The following BCKDHB variants were observed in gnomAD, a reference collection of about 807,000 sequenced individuals.
BCKDHB encodes the protein branched chain keto acid dehydrogenase E1 subunit beta.
In BCKDHB, 41 loss-of-function variants were observed where a neutral mutation model predicts 48.5. The ratio of observed to expected loss-of-function variants is 0.85; its 90% CI spans 0.66 to 1.10. The LOEUF is 1.10. Ranked by LOEUF, BCKDHB falls within the 50% of genes least tolerant of loss-of-function variation. The probability of loss-of-function intolerance (pLI) is 0.00; values close to 1 mark genes in which losing one functional copy is unlikely to be tolerated. For missense variants in BCKDHB, 496 were observed against 494.2 expected (o/e 1.00, Z -0.03); for synonymous variants, 201 against 174.8 (o/e 1.15, Z -1.18).
chr6:80,422,064 G>C, the BCKDHB span, among the ~76,000 whole-genome samples: 3 of 152,140 alleles, frequency 2.0e-5, no homozygotes, highest in Admixed American at 6.5e-5. Context: ...TCCCATCACA[G>C]GTCTAGAAGT....
rs550791450 is a variant in BCKDHB, at chr6:80,112,991, G to A, written c.196+6102G>A. On this transcript the variant is annotated intron_variant, in intron 1 of 9. Coordinates refer to ENST00000320393, the MANE Select transcript of BCKDHB (RefSeq NM_183050.4). ...GCCATGAACTTTAATGATAGGAACC[G>A]GAGGTGGGTGCATTTCTTTTGTCCT... 3.3e-3 allele frequency among the ~76,000 whole-genome samples: 500 copies of A among 152,284 alleles called. 2 individuals carry two copies. The highest frequency in any genetic ancestry group is 0.011 in the African/African-American group (438 of 41,558).
intron 9 of BCKDHB, among the ~76,000 whole-genome samples, chr6:80,317,254 C>A (rs188631471): frequency 1.3e-5 from 2 of 152,286 alleles, no homozygotes; most frequent in East Asian, 3.9e-4. Context: ...TTAAAGGGTA[C>A]ACCCCCAACT....
the BCKDHB span, among the ~76,000 whole-genome samples, chr6:80,433,596 G>T: frequency 6.6e-6 from 1 of 152,152 alleles, no homozygotes; most frequent in Non-Finnish European, 1.5e-5. Flanking sequence ...AGTTTGCTGT[G>T]CTCTGTGGGG....
chr6:80,243,861 A>G (rs149818498), intron 8 of BCKDHB, among the ~76,000 whole-genome samples: 4 of 152,278 alleles, frequency 2.6e-5, no homozygotes, highest in African/African-American at 9.6e-5. Flanking sequence ...AAGAAATCTC[A>G]CTTTAAAAGT....
the BCKDHB span, among the ~76,000 whole-genome samples, chr6:80,421,500 C>T: frequency 2.0e-5 from 3 of 152,070 alleles, no homozygotes; most frequent in Admixed American, 6.6e-5. Flanking sequence ...ATCTTGACGG[C>T]TCAGAAAAAG....
chr6:80,390,746 G>A, the BCKDHB span, among the ~76,000 whole-genome samples: 15 of 152,102 alleles, frequency 9.9e-5, no homozygotes, highest in African/African-American at 3.4e-4. Flanking sequence ...ATAGGTTCAA[G>A]TTGAAAAGGG....
the BCKDHB span, among the ~76,000 whole-genome samples, chr6:80,461,891 A>T: frequency 1.0e-3 from 158 of 152,202 alleles, 5 homozygotes; most frequent in Non-Finnish European, 3.4e-4. Context: ...GAAGCAAAGA[A>T]ATGAGGAGTT....
intron 9 of BCKDHB, among the ~76,000 whole-genome samples, chr6:80,316,103 T>G (rs2127999377): frequency 6.6e-6 from 1 of 152,344 alleles, no homozygotes; most frequent in Middle Eastern, 3.4e-3. Flanking sequence ...GCTGTGATTT[T>G]AGGATTCCGA....
At chr6:80,366,913 GA>G in the BCKDHB span, among the ~76,000 whole-genome samples, 1 of 152,194 alleles carries the variant, frequency 6.6e-6, no homozygotes, top group Non-Finnish European at 1.5e-5. Context: ...CATGTTCCTG[GA>G]GCCCTGGCTC....
intron 9 of BCKDHB, among the ~76,000 whole-genome samples, chr6:80,273,885 T>C (rs999476196): frequency 6.6e-6 from 1 of 151,994 alleles, no homozygotes; most frequent in African/African-American, 2.4e-5. Flanking sequence ...TAGACATATA[T>C]AAGATAATTT....
chr6:80,266,860 A>G (rs1050982578), intron 8 of BCKDHB, among the ~76,000 whole-genome samples: 2 of 152,078 alleles, frequency 1.3e-5, no homozygotes, highest in African/African-American at 4.8e-5. Flanking sequence ...CAATATAAGC[A>G]ACATTTATTG....
rs546100797 is a variant in BCKDHB at position 80,110,009 on chromosome 6, C to G, written c.196+3120C>G. 2.0e-5 allele frequency among the ~76,000 whole-genome samples: 3 copies of G among 152,318 alleles called. No homozygotes were observed. In the South Asian group the frequency reaches 6.2e-4, roughly 32 times the overall value. On this transcript the variant is annotated intron_variant, in intron 1 of 9. Transcript: ENST00000320393. ...AAATATTGAAGAACATACTAACTTT[C>G]TGCTTTTCACATGTCCTGCAAATAC...
intron 8 of BCKDHB, among the ~76,000 whole-genome samples, chr6:80,215,555 A>G (rs1042255513): frequency 2.6e-5 from 4 of 152,224 alleles, no homozygotes; most frequent in African/African-American, 4.8e-5. Context: ...TTGTTGAACC[A>G]TCTGAAAAAT....
At chr6:80,367,902 T>C in the BCKDHB span, among the ~76,000 whole-genome samples, 1 of 152,222 alleles carries the variant, frequency 6.6e-6, no homozygotes, top group African/African-American at 2.4e-5. Flanking sequence ...CAACTTTGCT[T>C]ACAAAACACA....
chr6:80,128,122 A>G (rs1582192665), intron 2 of BCKDHB, among the ~76,000 whole-genome samples: 1 of 151,728 alleles, frequency 6.6e-6, no homozygotes, highest in Non-Finnish European at 1.5e-5. Flanking sequence ...TATGTTTTCA[A>G]ATTTGATTGG....
chr6:80,301,136 GGAAA>G (rs1371088911), intron 9 of BCKDHB, among the ~76,000 whole-genome samples: 1 of 6,580 alleles, frequency 1.5e-4, no homozygotes, highest in Non-Finnish European at 4.2e-4. Context: ...GAACTAGGAA[GGAAA>G]AAAAAAGAAC....
the BCKDHB span, among the ~76,000 whole-genome samples, chr6:80,391,578 C>A: frequency 6.6e-6 from 1 of 152,262 alleles, no homozygotes; most frequent in Non-Finnish European, 1.5e-5. Context: ...AGAGGAAATG[C>A]AGCCAAGCTG....
At chr6:80,269,963 A>G (rs1168378411) in intron 8 of BCKDHB, among the ~76,000 whole-genome samples, 2 of 152,072 alleles carry the variant, frequency 1.3e-5, no homozygotes, top group Non-Finnish European at 1.5e-5. Flanking sequence ...ATTAAAGGGG[A>G]CAAAAATATG....
the BCKDHB span, among the ~76,000 whole-genome samples, chr6:80,354,484 C>G: frequency 1.3e-5 from 2 of 152,152 alleles, no homozygotes; most frequent in Admixed American, 1.3e-4. Context: ...CTGCCTTGGC[C>G]TCCCAAAGTG....
Sources: gnomAD v4.1 joint callset for allele counts (sites outside exome capture counted in the v4.1 genomes callset) on GRCh38, gnomAD v4.1.1 for gene constraint, MANE v1.5 for transcripts, NCBI Gene and HGNC (gene_info 2026-07-23, HGNC 2026-07-21) for gene names.